The following COL24A1 variants were observed in gnomAD, a reference collection of about 807,000 sequenced individuals.
The protein encoded by COL24A1 is collagen type XXIV alpha 1 chain, also known as collagen alpha-1(XXIV) chain.
A neutral mutation model predicts 253.9 loss-of-function variants in COL24A1; 224 were observed. That is an observed-to-expected ratio of 0.88 (90% CI 0.79 to 0.99). The LOEUF is 0.99. Among genes scored for constraint, COL24A1 ranks in the 50% least tolerant of loss-of-function variants. The pLI is 0.00. For missense variants in COL24A1, 2,131 were observed against 2,068.5 expected (o/e 1.03, Z -0.59); for synonymous variants, 685 against 673.7 (o/e 1.02, Z -0.26).
chr1:85,807,393 A>G (rs891895587), intron 47 of COL24A1, among the ~76,000 whole-genome samples: 1 of 152,232 alleles, frequency 6.6e-6, no homozygotes, highest in African/African-American at 2.4e-5. Flanking sequence ...AAATGGGAAC[A>G]CTGGAATCCC....
chr1:86,136,109 C>G (rs1028614499), intron 2 of COL24A1, among the ~76,000 whole-genome samples: 1 of 152,120 alleles, frequency 6.6e-6, no homozygotes, highest in Non-Finnish European at 1.5e-5. Flanking sequence ...TCTCTTTCCT[C>G]CATATCCACT....
intron 19 of COL24A1, among the ~76,000 whole-genome samples, chr1:85,995,737 G>A (rs1694729805): frequency 3.3e-5 from 5 of 152,156 alleles, no homozygotes; most frequent in Admixed American, 1.3e-4. Flanking sequence ...GGAGGTGACT[G>A]AATCATGGGG....
chr1:86,107,603 T>C (rs906464349), intron 5 of COL24A1, among the ~76,000 whole-genome samples: 14 of 152,068 alleles, frequency 9.2e-5, no homozygotes, highest in East Asian at 5.8e-4. Flanking sequence ...GGCCCGATCT[T>C]GGCTCACTGT....
chr1:85,904,361 G>C (rs1204285453), intron 28 of COL24A1, among the ~76,000 whole-genome samples: 1 of 152,108 alleles, frequency 6.6e-6, no homozygotes, highest in Non-Finnish European at 1.5e-5. Flanking sequence ...GCGTATAATG[G>C]AGTAATACCA....
intron 35 of COL24A1, among the ~76,000 whole-genome samples, chr1:85,870,043 C>T (rs1001000725): frequency 2.0e-5 from 3 of 152,096 alleles, no homozygotes; most frequent in African/African-American, 4.8e-5. Flanking sequence ...GCAGGGGTTG[C>T]AATCCTAGTC....
chr1:86,130,593 C>A (rs1649011404), intron 2 of COL24A1, among the ~76,000 whole-genome samples: 1 of 151,854 alleles, frequency 6.6e-6, no homozygotes, highest in African/African-American at 2.4e-5. Flanking sequence ...TTATTTTCCT[C>A]CCTTTAACCC....
At chr1:85,734,185 G>A (rs542137831) in intron 59 of COL24A1, among the ~76,000 whole-genome samples, 95 of 151,968 alleles carry the variant, frequency 6.3e-4, no homozygotes, top group African/African-American at 2.2e-3. Flanking sequence ...TTACAGGCAT[G>A]AGCCACCATG....
At chr1:85,735,920 G>GA (rs1418097181) in intron 58 of COL24A1, among the ~76,000 whole-genome samples, 1 of 151,630 alleles carries the variant, frequency 6.6e-6, no homozygotes, top group Non-Finnish European at 1.5e-5. Flanking sequence ...AAAACAGAAA[G>GA]AAAAAACAAA....
intron 20 of COL24A1, among the ~76,000 whole-genome samples, chr1:85,972,407 AG>A (rs1692258797): frequency 6.6e-6 from 1 of 152,204 alleles, no homozygotes; most frequent in Non-Finnish European, 1.5e-5. Flanking sequence ...TCAGTTTAAA[AG>A]TCTATAATAT....
chr1:85,744,735 G>T lies in COL24A1; in HGVS notation c.4603C>A (p.Leu1535Ile), dbSNP rs781487734. ...SNLLHSIKNP[L>I]GTRDNPARIC... ...CGTGCTGGGTTATCTCGTGTGCCAAGAGGATTCTTGATGCTGTGCAATAAA... is the reference window on the plus strand; with the variant it reads ...CGTGCTGGGTTATCTCGTGTGCCAATAGGATTCTTGATGCTGTGCAATAAA... The change falls in exon 57 of 60, where the codon CTT becomes ATT. Residue 1535 changes from leucine to isoleucine, a missense_variant. Leu to Ile is a conservative substitution (Grantham distance 5). Transcript: ENST00000370571. 5.0e-6 allele frequency: 8 copies of T among 1,605,160 alleles called. No individual in the cohort carries two copies. The South Asian group carries it at 5.5e-5, about 11-fold the overall frequency.
At chr1:85,799,914 A>T (rs1671253961) in intron 47 of COL24A1, among the ~76,000 whole-genome samples, 1 of 152,158 alleles carries the variant, frequency 6.6e-6, no homozygotes, top group South Asian at 2.1e-4. Flanking sequence ...TTACCATTCA[A>T]CTTCATGGCC....
At chr1:85,989,816 C>T (rs1006318795) in intron 19 of COL24A1, among the ~76,000 whole-genome samples, 20 of 152,130 alleles carry the variant, frequency 1.3e-4, no homozygotes, top group African/African-American at 4.6e-4. Flanking sequence ...GTTTCCTCAC[C>T]TAGAACACTT....
At chr1:85,852,215 G>T (rs1677857016) in intron 37 of COL24A1, among the ~76,000 whole-genome samples, 1 of 151,894 alleles carries the variant, frequency 6.6e-6, no homozygotes, top group Non-Finnish European at 1.5e-5. Context: ...TTATAGATCT[G>T]TAGTGCATAA....
Position 85,987,588 on chromosome 1 carries a change from T to C in COL24A1, c.2364+13A>G. On this transcript the variant is annotated intron_variant, in intron 20 of 59. Transcript: ENST00000370571. ...CCATAATTGTTTAGTCTCTCTCTTC[T>C]TCTTCTTCTTACCTTTGGTCCTTCA... 1 of 1,605,826 alleles carries C rather than the reference T, an allele frequency of 6.2e-7. No individual in the cohort carries two copies. Among genetic ancestry groups the C allele is most frequent in the Non-Finnish European group, 8.5e-7 (1 of 1,174,186 alleles).
intron 7 of COL24A1, among the ~76,000 whole-genome samples, chr1:86,083,444 C>G (rs1477406331): frequency 6.6e-6 from 1 of 151,462 alleles, no homozygotes; most frequent in Non-Finnish European, 1.5e-5. Flanking sequence ...AATTTCAGGA[C>G]AAAAAGATGT....
chr1:85,966,888 A>C (rs1691617252), intron 22 of COL24A1, among the ~76,000 whole-genome samples: 2 of 152,136 alleles, frequency 1.3e-5, no homozygotes, highest in African/African-American at 4.8e-5. Flanking sequence ...GGAAAGAAAA[A>C]ATAGGGTAAC....
chr1:85,856,536 T>C (rs1185944565), intron 37 of COL24A1, among the ~76,000 whole-genome samples: 2 of 152,166 alleles, frequency 1.3e-5, no homozygotes, highest in Non-Finnish European at 2.9e-5. Context: ...TCCCTAATTA[T>C]ATCACCTGTT....
chr1:86,061,675 A>T (rs926739771), intron 8 of COL24A1, among the ~76,000 whole-genome samples: 4 of 152,080 alleles, frequency 2.6e-5, no homozygotes, highest in African/African-American at 9.7e-5. Context: ...ATATGGCATA[A>T]ACGTATTCTG....
At chr1:86,016,358 G>C (rs1312982072) in intron 19 of COL24A1, among the ~76,000 whole-genome samples, 3 of 152,184 alleles carry the variant, frequency 2.0e-5, no homozygotes, top group Non-Finnish European at 4.4e-5. Flanking sequence ...CTACTACTCT[G>C]ACACTATGAC....
Sources: gnomAD v4.1 joint callset for allele counts (sites outside exome capture counted in the v4.1 genomes callset) on GRCh38, gnomAD v4.1.1 for gene constraint, MANE v1.5 for transcripts, NCBI Gene and HGNC (gene_info 2026-07-23, HGNC 2026-07-21) for gene names.